The following QKI variants were observed in gnomAD, a reference collection of about 807,000 sequenced individuals.
The protein encoded by QKI is QKI, KH domain containing RNA binding.
In QKI, 10 loss-of-function variants were observed where a neutral mutation model predicts 39.0. The observed-to-expected ratio is 0.26, with a 90% CI of 0.16 to 0.43. QKI has a LOEUF of 0.43. QKI is among the 20% of genes least tolerant of loss of function. The probability of loss-of-function intolerance (pLI) is 1.00; values close to 1 mark genes in which losing one functional copy is unlikely to be tolerated. For missense variants in QKI, 218 were observed against 428.0 expected (o/e 0.51, Z 4.33); for synonymous variants, 204 against 155.4 (o/e 1.31, Z -2.33).
intron 3 of QKI, among the ~76,000 whole-genome samples, chr6:163,495,380 C>T (rs896063519): frequency 1.8e-4 from 27 of 151,792 alleles, no homozygotes; most frequent in African/African-American, 6.0e-4. Context: ...ATGAGAGTTG[C>T]GTGTGTGTGT....
intron 1 of QKI, among the ~76,000 whole-genome samples, chr6:163,451,583 A>G (rs983378573): frequency 6.6e-6 from 1 of 152,216 alleles, no homozygotes; most frequent in African/African-American, 2.4e-5. Flanking sequence ...AGAGATGTCT[A>G]AAAATTTCTC....
chr6:163,570,444 G>GTT lies in QKI; in HGVS notation c.1010-235_1010-234dup, dbSNP rs35227460. ...TATTTCTATTTTTTCTTGTTAACCA[G>GTT]TTTTTTTTTTTTTTTTGTGGGAGTG... is the stretch of plus-strand genomic sequence containing the variant. On this transcript the variant is annotated intron_variant, in intron 7 of 7. Transcript: ENST00000361752. 2.8e-3 allele frequency: 2,607 copies of GTT among 915,708 alleles called. 2 individuals carry two copies. Among genetic ancestry groups the GTT allele is most frequent in the African/African-American group, 0.014 (683 of 49,940 alleles). The allele number at this position is 915,708 out of a possible 1,614,324, so 56.7% of individuals were successfully genotyped here.
At chr6:163,569,194 A>G in intron 7 of QKI, 5 of 959,298 alleles carry the variant, frequency 5.2e-6, no homozygotes, top group Non-Finnish European at 6.2e-6. Flanking sequence ...ATTTTAAATA[A>G]AATTCCACTT....
At chr6:163,534,622 G>A (rs1335411195) in intron 3 of QKI, among the ~76,000 whole-genome samples, 1 of 152,130 alleles carries the variant, frequency 6.6e-6, no homozygotes, top group Non-Finnish European at 1.5e-5. Flanking sequence ...GTTTCTCAAA[G>A]TGTTTTTCAT....
At chr6:163,480,627 C>T (rs1793006250) in intron 3 of QKI, among the ~76,000 whole-genome samples, 1 of 152,006 alleles carries the variant, frequency 6.6e-6, no homozygotes, top group Admixed American at 6.6e-5. Context: ...TCTGTGAGTT[C>T]TCCTTGAGCA....
rs1789568353 is a variant in QKI at position 163,439,357 on chromosome 6, G to GGT, written c.143-15921_143-15920insTG. On this transcript the variant is annotated intron_variant, in intron 1 of 7. Coordinates refer to ENST00000361752, the MANE Select transcript of QKI (RefSeq NM_006775.3). ...TTTTTTTTGTTTTTTTTTTTTTTCG[G>GGT]GGGGGTGGGGGACGGAGTCTCACTC... Among the ~76,000 whole-genome samples, 3 of 144,560 alleles carry GGT rather than the reference G, an allele frequency of 2.1e-5. 1 individual carries two copies. Among genetic ancestry groups the GGT allele is most frequent in the African/African-American group, 7.8e-5 (3 of 38,392 alleles). 94.8% of individuals were successfully genotyped at this position (144,560 alleles called of 152,430 possible). A position where few individuals can be genotyped will look rare whatever the true frequency, so the allele number is the denominator to read the frequency against.
At position 163,536,041 on chromosome 6, in the gene QKI, C is replaced by T. The variant is rs557539559; in HGVS notation, c.546+916C>T. ...CTGCTGCTTTTTATTTCCCAGATAG[C>T]CTATTCTTTATTACCCTGATAGTTT... On this transcript the variant is annotated intron_variant, in intron 4 of 7. Coordinates refer to ENST00000361752, the MANE Select transcript of QKI (RefSeq NM_006775.3). Among the ~76,000 whole-genome samples, 10 of 152,250 alleles carry T rather than the reference C, an allele frequency of 6.6e-5. No homozygotes were observed. The South Asian group carries it at 2.1e-3, about 32-fold the overall frequency.
chr6:163,509,416 A>G (rs1469433262), intron 3 of QKI, among the ~76,000 whole-genome samples: 1 of 151,928 alleles, frequency 6.6e-6, no homozygotes, highest in Non-Finnish European at 1.5e-5. Flanking sequence ...GAGGAAAATA[A>G]CCATTTTTTT....
At chr6:163,447,011 T>C (rs973272416) in intron 1 of QKI, among the ~76,000 whole-genome samples, 1 of 152,144 alleles carries the variant, frequency 6.6e-6, no homozygotes, top group Non-Finnish European at 1.5e-5. Context: ...GGTCTACACT[T>C]ATTATAGTAC....
intron 2 of QKI, among the ~76,000 whole-genome samples, chr6:163,457,821 A>G (rs1791036914): frequency 6.6e-6 from 1 of 152,108 alleles, no homozygotes; most frequent in South Asian, 2.1e-4. Flanking sequence ...ACAGTACACA[A>G]ATGAATCTAT....
rs558851452 is a variant in QKI, at chr6:163,421,633, A to G, written c.142+6298A>G. 4.3e-4 allele frequency among the ~76,000 whole-genome samples: 65 copies of G among 150,396 alleles called. No homozygotes were observed. In the South Asian group the frequency reaches 0.012, roughly 29 times the overall value. On this transcript the variant is annotated intron_variant, in intron 1 of 7. Transcript: ENST00000361752. ...ATGTGGCTGATTGTCATTTAACACA[A>G]ATAGCTATGTTTTTAAACACAGGTG... is the stretch of plus-strand genomic sequence containing the variant.
At chr6:163,448,746 ATAAG>A (rs1209139030) in intron 1 of QKI, among the ~76,000 whole-genome samples, 3 of 152,044 alleles carry the variant, frequency 2.0e-5, no homozygotes, top group Non-Finnish European at 4.4e-5. Flanking sequence ...TCAAAAATAA[ATAAG>A]TAAATAAATA....
chr6:163,570,785 G>A lies in QKI; in HGVS notation c.*75G>A. 1.3e-6 allele frequency: 2 copies of A among 1,570,158 alleles called. No homozygotes were observed. The highest frequency in any genetic ancestry group is 1.7e-6 in the Non-Finnish European group (2 of 1,154,148). ...TGCCTGCCTGCTGATCAGTTAACTGGTAATCGCCTTTGCTTGCCTGTCGTC... is the reference window on the plus strand; with the variant it reads ...TGCCTGCCTGCTGATCAGTTAACTGATAATCGCCTTTGCTTGCCTGTCGTC... On this transcript the variant is annotated 3_prime_UTR_variant, in exon 8 of 8. Transcript: ENST00000361752.
chr6:163,465,965 A>T (rs1163896702), intron 2 of QKI, among the ~76,000 whole-genome samples: 5 of 151,924 alleles, frequency 3.3e-5, no homozygotes, highest in Non-Finnish European at 7.4e-5. Flanking sequence ...CTCTACAAAA[A>T]ATACAAAAAA....
intron 6 of QKI, chr6:163,565,359 A>T: frequency 1.0e-6 from 1 of 986,274 alleles, no homozygotes; most frequent in Non-Finnish European, 1.2e-6. Context: ...GCTCTTAGCC[A>T]CCAGCTGCTG....
intron 4 of QKI, among the ~76,000 whole-genome samples, chr6:163,544,955 A>G (rs781595198): frequency 5.3e-5 from 8 of 152,138 alleles, no homozygotes; most frequent in East Asian, 1.9e-4. Flanking sequence ...TTAAAATCCT[A>G]TAGCTCTAAG....
At chr6:163,464,002 G>A (rs76117679) in intron 2 of QKI, among the ~76,000 whole-genome samples, 5,986 of 151,872 alleles carry the variant, frequency 0.039, 127 homozygotes, top group African/African-American at 0.063. Context: ...CCACAATATT[G>A]AGCTGTAGTG....
chr6:163,469,958 G>C (rs1464734909), intron 2 of QKI, among the ~76,000 whole-genome samples: 1 of 152,134 alleles, frequency 6.6e-6, no homozygotes, highest in Admixed American at 6.5e-5. Flanking sequence ...AGTGCCAGTA[G>C]ACTTGTGTTT....
intron 1 of QKI, among the ~76,000 whole-genome samples, chr6:163,443,622 C>G (rs139670528): frequency 2.0e-4 from 30 of 152,336 alleles, no homozygotes; most frequent in African/African-American, 6.5e-4. Flanking sequence ...AGAGAATTCT[C>G]TTGCAACACC....
Sources: allele counts gnomAD v4.1 joint callset (sites outside exome capture counted in the v4.1 genomes callset), GRCh38; gene constraint gnomAD v4.1.1; transcripts MANE v1.5; gene names NCBI Gene and HGNC (gene_info 2026-07-23, HGNC 2026-07-21).